Variants in SLC2A3 observed in about 807,000 individuals in gnomAD.
SLC2A3 encodes solute carrier family 2, facilitated glucose transporter member 3.
Under a neutral mutation model 46.4 loss-of-function variants are expected in SLC2A3, and 21 were observed. The observed-to-expected ratio is 0.45, with a 90% CI of 0.32 to 0.65. The LOEUF is 0.65. Among genes scored for constraint, SLC2A3 ranks in the 30% least tolerant of loss-of-function variants. SLC2A3 has a pLI of 0.04. For synonymous variants in SLC2A3, 213 were observed against 239.4 expected, an observed-to-expected ratio of 0.89 and a Z score of 1.02; for missense variants, 499 against 623.3, an observed-to-expected ratio of 0.80 and a Z score of 2.12.
intron 6 of SLC2A3, among the ~76,000 whole-genome samples, chr12:7,929,058 G>A (rs1946124733): frequency 6.6e-6 from 1 of 151,876 alleles, no homozygotes; most frequent in African/African-American, 2.4e-5. Flanking sequence ...AAAGTTCCAA[G>A]AACCAACTTA....
chr12:7,930,452 C>T lies in SLC2A3; in HGVS notation c.673+28G>A, dbSNP rs775223107. 1.2e-5 allele frequency: 19 copies of T among 1,599,876 alleles called. No individual in the cohort carries two copies. The South Asian group carries it at 1.9e-4, about 16-fold the overall frequency. ...TAAAACAAACCACAACCATATAATT[C>T]ATGTAGTAAGGTGTGAAGGATACTC... On this transcript the variant is annotated intron_variant, in intron 5 of 9. Transcript: ENST00000075120.
chr12:7,925,561 A>T (rs1428094033), intron 7 of SLC2A3: 4 of 285,996 alleles, frequency 1.4e-5, no homozygotes, highest in African/African-American at 4.3e-5. Flanking sequence ...TAGTGTAAAA[A>T]CAGTGGAGTA....
chr12:7,922,629 T>G (rs912490328), intron 9 of SLC2A3, among the ~76,000 whole-genome samples, 192 bp downstream of exon 9: 1 of 151,900 alleles, frequency 6.6e-6, no homozygotes, highest in Non-Finnish European at 1.5e-5. Flanking sequence ...GCCCAGCTAA[T>G]TTTTGAATTT....
rs1946130551 is a variant in SLC2A3, at chr12:7,929,547, C to G, written c.861+137G>C. On this transcript the variant is annotated intron_variant, in intron 6 of 9. Transcript: ENST00000075120. ...TGGCATAATTATAGCTCACTGCAAC[C>G]TGAAACTCCTGAGCTCAAGTGATCC... 1.1e-5 allele frequency: 15 copies of G among 1,322,662 alleles called. No homozygotes were observed. The South Asian group carries it at 2.1e-4, about 19-fold the overall frequency. The allele number at this position is 1,322,662 out of a possible 1,614,324, so 81.9% of individuals were successfully genotyped here.
intron 1 of SLC2A3, 129 bp downstream of exon 1, chr12:7,935,891 C>A (rs1476857074): frequency 2.5e-6 from 2 of 793,428 alleles, no homozygotes; most frequent in Admixed American, 1.8e-5. Context: ...AGGCTAGAGA[C>A]GAAATGAAAA....
At chr12:7,923,072 C>G (rs898139524) in intron 8 of SLC2A3, 48 bp from the exon 9 acceptor site, 4 of 1,535,272 alleles carry the variant, frequency 2.6e-6, no homozygotes, top group Non-Finnish European at 1.8e-6. Flanking sequence ...ACAGTGTAAC[C>G]TAGTATCTAG....
At chr12:7,929,452 T>G in intron 6 of SLC2A3, 1 of 581,242 alleles carries the variant, frequency 1.7e-6, no homozygotes, top group Non-Finnish European at 2.8e-6. Flanking sequence ...CCTTCCAGGG[T>G]CTTTTTTTTT....
chr12:7,930,835 C>T (rs1471678544), intron 4 of SLC2A3, among the ~76,000 whole-genome samples, 193 bp from the exon 5 acceptor site: 1 of 124,334 alleles, frequency 8.0e-6, no homozygotes, highest in Non-Finnish European at 1.6e-5. Context: ...CTTGCTCTGT[C>T]ACCCAGGCTG....
chr12:7,931,382 A>T lies in SLC2A3; in HGVS notation c.373T>A (p.Leu125Met), dbSNP rs758656656. ...KSVEMLILGR[L>M]VIGLFCGLCT... Reference sequence around the variant, plus strand: ...AGTCCGCAGAAGAGGCCAATAACCAAGCGACCCAGGATCAGCATTTCAACC... The same window carrying T: ...AGTCCGCAGAAGAGGCCAATAACCATGCGACCCAGGATCAGCATTTCAACC... The change falls in exon 4 of 10, where the codon TTG becomes ATG. Residue 125 changes from leucine to methionine, a missense_variant. Transcript: ENST00000075120. The T allele has an allele frequency of 3.7e-6, 6 of 1,614,084 alleles. No homozygotes were observed. Among genetic ancestry groups the T allele is most frequent in the Non-Finnish European group, 3.4e-6 (4 of 1,179,984 alleles).
chr12:7,921,265 C>A lies in SLC2A3; in HGVS notation c.*148G>T, dbSNP rs1433448838. 4 of 1,498,444 alleles carry A rather than the reference C, an allele frequency of 2.7e-6. No individual in the cohort carries two copies. Among genetic ancestry groups the A allele is most frequent in the African/African-American group, 1.4e-5 (1 of 71,916 alleles). The allele number at this position is 1,498,444 out of a possible 1,614,324, so 92.8% of individuals were successfully genotyped here. On this transcript the variant is annotated 3_prime_UTR_variant, in exon 10 of 10. Transcript: ENST00000075120. Reference sequence around the variant, plus strand: ...CCATTGAAGATCCAACAAACCGCAGCCTTGGGGTGCTCATGGAGTGCGTGG... The same window carrying A: ...CCATTGAAGATCCAACAAACCGCAGACTTGGGGTGCTCATGGAGTGCGTGG...
In SLC2A3 at chr12:7,929,880, A is replaced by G. The variant is rs991519611; in HGVS notation, c.674-9T>C. The G allele has an allele frequency of 1.2e-6, 2 of 1,613,754 alleles. No homozygotes were observed. The highest frequency in any genetic ancestry group is 2.7e-5 in the African/African-American group (2 of 74,912). ...CCACAACCGCTGGAGGACTGGTGAA[A>G]AGAAGAAAGAGGAAAGGATAAAAGA... On this transcript the variant is annotated splice_polypyrimidine_tract_variant and intron_variant, in intron 5 of 9. Transcript: ENST00000075120.
At position 7,929,735 on chromosome 12, in the gene SLC2A3, G is replaced by A. The variant is rs989491498; in HGVS notation, c.810C>T (p.Ile270=). ...LFRVSSYRQP[I]IISIVLQLSQ... is the part of the protein sequence containing the mutation. ...AGAGCTGGAGCACAATGGAAATGAT[G>A]ATGGGCTGTCGGTAGCTGGACACTC... The change falls in exon 6 of 10, where the codon ATC becomes ATT. Residue 270 remains isoleucine, a synonymous_variant. Transcript: ENST00000075120. The A allele has an allele frequency of 6.2e-6, 10 of 1,613,586 alleles. No homozygotes were observed. Among genetic ancestry groups the A allele is most frequent in the Non-Finnish European group, 8.5e-6 (10 of 1,179,664 alleles).
intron 5 of SLC2A3, chr12:7,930,079 G>A (rs941479451): frequency 9.4e-7 from 1 of 1,061,376 alleles, no homozygotes; most frequent in Non-Finnish European, 1.3e-6. Context: ...TCCACTTCCC[G>A]GGTTCACACG....
Position 7,936,073 on chromosome 12 carries a change from G to C in SLC2A3, c.-39C>G. 6.3e-7 allele frequency: 1 copy of C among 1,585,872 alleles called. No homozygotes were observed. Among genetic ancestry groups the C allele is most frequent in the Non-Finnish European group, 8.7e-7 (1 of 1,154,558 alleles). On this transcript the variant is annotated 5_prime_UTR_variant, in exon 1 of 10. Transcript: ENST00000075120. ...TTCAAGTCTTCAAGAAAGATCTAGG[G>C]GTGATTCCAGAAACAGCTTTTTCAG... is the stretch of plus-strand genomic sequence containing the variant.
At position 7,922,986 on chromosome 12, in the gene SLC2A3, A is replaced by G; in HGVS notation, c.1107T>C (p.Ala369=). 1 of 1,614,076 alleles carries G rather than the reference A, an allele frequency of 6.2e-7. No homozygotes were observed. ...CAAAGAAGGCTACAAAGACCAAGAT[A>G]GCCCCAATACAGACAAAGCTCATCC... ...YNGMSFVCIG[A]ILVFVAFFEI... is the part of the protein sequence containing the mutation. Residue 369 remains alanine, a synonymous_variant, in exon 9 of 10, where the codon GCT becomes GCC. Coordinates refer to ENST00000075120, the MANE Select transcript of SLC2A3 (RefSeq NM_006931.3).
At chr12:7,923,158 G>T in intron 8 of SLC2A3, 134 bp from the exon 9 acceptor site, 1 of 876,380 alleles carries the variant, frequency 1.1e-6, no homozygotes, top group East Asian at 2.7e-5. Context: ...GAGTCAAAAG[G>T]CTTGGATTTA....
At chr12:7,935,643 C>T (rs1035038936) in intron 1 of SLC2A3, among the ~76,000 whole-genome samples, 1 of 152,148 alleles carries the variant, frequency 6.6e-6, no homozygotes, top group Non-Finnish European at 1.5e-5. Context: ...CAAACACAGA[C>T]CTTTTCAAGG....
chr12:7,929,497 C>A, intron 6 of SLC2A3, 187 bp downstream of exon 6: 1 of 775,320 alleles, frequency 1.3e-6, no homozygotes, highest in Non-Finnish European at 2.0e-6. Context: ...CACAGTCTCA[C>A]TCTGTCTCCC....
chr12:7,931,408 G>A lies in SLC2A3; in HGVS notation c.347C>T (p.Ser116Leu), dbSNP rs780195679. 5.0e-5 allele frequency: 80 copies of A among 1,614,092 alleles called. No homozygotes were observed. The East Asian group carries it at 1.4e-3, about 28-fold the overall frequency. ...GCGACCCAGGATCAGCATTTCAACC[G>A]ACTTAGCTACTTTACACAGTCCCAT... ...CFMGLCKVAK[S>L]VEMLILGRLV... The change falls in exon 4 of 10, where the codon TCG becomes TTG. Residue 116 changes from serine (S) to leucine (L), a missense_variant. Physicochemically the swap from Ser to Leu is moderately radical, Grantham distance 145. Coordinates refer to ENST00000075120, the MANE Select transcript of SLC2A3 (RefSeq NM_006931.3).
Sources: gnomAD v4.1 joint callset for allele counts (sites outside exome capture counted in the v4.1 genomes callset) on GRCh38, gnomAD v4.1.1 for gene constraint, MANE v1.5 for transcripts, NCBI Gene and HGNC (gene_info 2026-07-23, HGNC 2026-07-21) for gene names.